The following ATP6V1E1 variants were observed in gnomAD, a reference collection of about 807,000 sequenced individuals.
ATP6V1E1 encodes the protein ATPase H+ transporting V1 subunit E1, also known as V-type proton ATPase subunit E 1.
A neutral mutation model predicts 35.2 loss-of-function variants in ATP6V1E1; 21 were observed. The ratio of observed to expected loss-of-function variants is 0.60; its 90% CI spans 0.42 to 0.86. The LOEUF is 0.86. Ranked by LOEUF, ATP6V1E1 falls within the 40% of genes least tolerant of loss-of-function variation. The pLI is 0.00. For missense variants in ATP6V1E1, 183 were observed against 272.6 expected, an observed-to-expected ratio of 0.67 and a Z score of 2.32; for synonymous variants, 83 against 87.8, an observed-to-expected ratio of 0.95 and a Z score of 0.30.
chr22:17,604,559 G>C (rs1381138971), intron 4 of ATP6V1E1, among the ~76,000 whole-genome samples: 3 of 145,094 alleles, frequency 2.1e-5, no homozygotes, highest in Non-Finnish European at 3.0e-5. Flanking sequence ...TCGCTTTGTC[G>C]CCCAGGCTGG....
chr22:17,626,243 G>A (rs2057904041), intron 1 of ATP6V1E1, among the ~76,000 whole-genome samples: 1 of 147,148 alleles, frequency 6.8e-6, no homozygotes, highest in South Asian at 2.1e-4. Flanking sequence ...AGGAGGTGGA[G>A]CTTGCAGTGA....
At chr22:17,612,607 G>T in intron 4 of ATP6V1E1, 1 of 532,638 alleles carries the variant, frequency 1.9e-6, no homozygotes, top group Non-Finnish European at 3.3e-6. Flanking sequence ...TATAATCCAG[G>T]AGAGTCTTAC....
intron 1 of ATP6V1E1, among the ~76,000 whole-genome samples, chr22:17,626,921 C>T (rs1036980073): frequency 3.3e-5 from 5 of 152,028 alleles, no homozygotes; most frequent in African/African-American, 1.2e-4. Flanking sequence ...GCGATCCTCC[C>T]ACCTCAGCCT....
At chr22:17,593,459 A>G (rs1186965860) in intron 8 of ATP6V1E1, among the ~76,000 whole-genome samples, 1 of 152,204 alleles carries the variant, frequency 6.6e-6, no homozygotes. Context: ...AGCACTTGCT[A>G]CAGCCACTGA....
intron 1 of ATP6V1E1, among the ~76,000 whole-genome samples, chr22:17,628,037 T>G (rs2057929941): frequency 6.9e-6 from 1 of 145,540 alleles, no homozygotes; most frequent in Non-Finnish European, 1.5e-5. Flanking sequence ...CATGCTGGAG[T>G]GCAAAGGCGC....
chr22:17,601,144 A>G lies in ATP6V1E1; in HGVS notation c.314T>C (p.Val105Ala). 1.2e-6 allele frequency: 2 copies of G among 1,613,744 alleles called. No individual in the cohort carries two copies. The highest frequency in any genetic ancestry group is 1.3e-5 in the African/African-American group (1 of 75,026). ...TTGGTACCTGGTTGTATCTTTTACC[A>G]CCTTGCTGAGTCTCTGTTTTGCTTC... ...LNEAKQRLSK[V>A]VKDTTRYQVL... The change falls in exon 5 of 9, where the codon GTG (valine) becomes GCG (alanine). Residue 105 changes from valine to alanine, a missense_variant. Transcript: ENST00000253413.
chr22:17,622,696 T>C (rs949148159), intron 1 of ATP6V1E1, among the ~76,000 whole-genome samples: 17 of 152,146 alleles, frequency 1.1e-4, no homozygotes, highest in African/African-American at 3.6e-4. Context: ...CTGGGTATGG[T>C]GGCTCATGCC....
Position 17,592,478 on chromosome 22 carries a change from T to C in ATP6V1E1, c.*196A>G. The C allele has an allele frequency of 1.6e-6, 1 of 612,226 alleles. No individual in the cohort carries two copies. Among genetic ancestry groups the C allele is most frequent in the Non-Finnish European group, 2.9e-6 (1 of 349,950 alleles). 37.9% of individuals were successfully genotyped at this position (612,226 alleles called of 1,614,324 possible). ...TTTCAGAAGAACTGGAGGTGGGTCCTGATCATATTACATGAAGCTTTCCAC... is the reference window on the plus strand; with the variant it reads ...TTTCAGAAGAACTGGAGGTGGGTCCCGATCATATTACATGAAGCTTTCCAC... On this transcript the variant is annotated 3_prime_UTR_variant, in exon 9 of 9. Coordinates refer to ENST00000253413, the MANE Select transcript of ATP6V1E1 (RefSeq NM_001696.4).
chr22:17,602,152 C>T (rs114970580), intron 4 of ATP6V1E1, among the ~76,000 whole-genome samples: 272 of 152,250 alleles, frequency 1.8e-3, no homozygotes, highest in African/African-American at 6.3e-3. Flanking sequence ...AGCAATCTTC[C>T]CACCTCGATC....
intron 4 of ATP6V1E1, among the ~76,000 whole-genome samples, chr22:17,607,061 T>C (rs1380542637): frequency 1.3e-5 from 2 of 152,180 alleles, no homozygotes; most frequent in Non-Finnish European, 1.5e-5. Flanking sequence ...TAAGCTCCTC[T>C]TCTCTCCTAA....
rs561129564 is a variant in ATP6V1E1, at chr22:17,609,594, G to A, written c.276+3218C>T. 6.3e-4 allele frequency among the ~76,000 whole-genome samples: 93 copies of A among 148,666 alleles called. 2 individuals carry two copies. The highest frequency in any genetic ancestry group is 1.8e-3 in the African/African-American group (74 of 40,272). On this transcript the variant is annotated intron_variant, in intron 4 of 8. Transcript: ENST00000253413. ...CGCCTTTCTCCTGCCTCAGCCTCCC[G>A]AGTAGCTGGGACTACAGGCGCCCAC...
chr22:17,621,737 T>C (rs1439772154), intron 1 of ATP6V1E1, among the ~76,000 whole-genome samples: 1 of 152,240 alleles, frequency 6.6e-6, no homozygotes, highest in Non-Finnish European at 1.5e-5. Flanking sequence ...TCAAACATGC[T>C]GTTCCTTCCA....
intron 4 of ATP6V1E1, among the ~76,000 whole-genome samples, chr22:17,606,742 C>T (rs1221687635): frequency 6.6e-6 from 1 of 152,192 alleles, no homozygotes; most frequent in African/African-American, 2.4e-5. Context: ...ATCTGGCTTT[C>T]TGCCTTCATC....
At chr22:17,601,060 C>A in intron 5 of ATP6V1E1, 32 bp downstream of exon 5, 1 of 1,569,414 alleles carries the variant, frequency 6.4e-7, no homozygotes, top group South Asian at 1.1e-5. Context: ...AGAACTGTGG[C>A]TATCAACAGT....
At chr22:17,626,328 AG>A (rs1341544538) in intron 1 of ATP6V1E1, among the ~76,000 whole-genome samples, 187 of 140,310 alleles carry the variant, frequency 1.3e-3, no homozygotes, top group Middle Eastern at 3.6e-3. Context: ...AAAAAAAAAA[AG>A]AAAGAAAAGA....
rs1228945085 is a variant in ATP6V1E1 at position 17,592,238 on chromosome 22, G to A, written c.*436C>T. ...TTTTAAATCACATTTACAGATGAGG[G>A]AAAACTTCTAGGCCTAAACAGGTAA... On this transcript the variant is annotated 3_prime_UTR_variant, in exon 9 of 9. Transcript: ENST00000253413. 6.2e-6 allele frequency: 1 copy of A among 160,364 alleles called. No homozygotes were observed. Among genetic ancestry groups the A allele is most frequent in the Non-Finnish European group, 1.4e-5 (1 of 73,040 alleles). 9.9% of individuals were successfully genotyped at this position (160,364 alleles called of 1,614,324 possible).
chr22:17,619,313 AAGGAAGGAG>A (rs2057863436), intron 2 of ATP6V1E1, 139 bp downstream of exon 2: 1 of 739,104 alleles, frequency 1.4e-6, no homozygotes, highest in Non-Finnish European at 2.2e-6. Flanking sequence ...AAAATGAAGG[AAGGAAGGAG>A]GGGAAGGAGG....
At position 17,616,636 on chromosome 22, in the gene ATP6V1E1, G is replaced by A. The variant is rs140724370; in HGVS notation, c.99+2825C>T. On this transcript the variant is annotated intron_variant, in intron 2 of 8. Transcript: ENST00000253413. ...GGAGGTTGTGGTGAGCTGAGATCGC[G>A]CCACTGCACTCCAGTCTGGGCAACA... Among the ~76,000 whole-genome samples, 976 of 134,760 alleles carry A rather than the reference G, an allele frequency of 7.2e-3. 23 individuals are homozygous for A. The highest frequency in any genetic ancestry group is 0.027 in the African/African-American group (935 of 34,224). 88.4% of individuals were successfully genotyped at this position (134,760 alleles called of 152,430 possible).
In ATP6V1E1 at chr22:17,600,078, C is replaced by T; in HGVS notation, c.384G>A (p.Leu128=). ...TGCAACGAACAATCATTCGGGGCTC[C>T]AGCAACTGGTACAAACCCTGGAAGA... is the stretch of plus-strand genomic sequence containing the variant. The part of the protein sequence containing the change: ...GLVLQGLYQL[L]EPRMIVRCRK... The change falls in exon 6 of 9, where the codon CTG becomes CTA. Residue 128 remains leucine, a synonymous_variant. Transcript: ENST00000253413. 10 of 1,613,698 alleles carry T rather than the reference C, an allele frequency of 6.2e-6. No individual in the cohort carries two copies. Among genetic ancestry groups the T allele is most frequent in the Non-Finnish European group, 7.6e-6 (9 of 1,179,768 alleles).
Sources: gnomAD v4.1 joint callset for allele counts (sites outside exome capture counted in the v4.1 genomes callset) on GRCh38, gnomAD v4.1.1 for gene constraint, MANE v1.5 for transcripts, NCBI Gene and HGNC (gene_info 2026-07-23, HGNC 2026-07-21) for gene names.